ACBD3: variants seen among roughly 807,000 people sequenced by gnomAD.
ACBD3 encodes acyl-CoA binding domain containing 3.
Under a neutral mutation model 66.9 loss-of-function variants are expected in ACBD3, and 30 were observed. The observed-to-expected ratio is 0.45, with a 90% confidence interval of 0.34 to 0.61. ACBD3 has a LOEUF of 0.61. Among genes scored for constraint, ACBD3 ranks in the 20% least tolerant of loss-of-function variants. The pLI, the probability that ACBD3 is intolerant of heterozygous loss-of-function variation, is 0.02. For missense variants in ACBD3, 544 were observed against 664.5 expected (o/e 0.82, Z 1.99); for synonymous variants, 278 against 259.8 (o/e 1.07, Z -0.68).
chr1:226,172,174 G>GAAAAAAAA (rs1558129674), intron 1 of ACBD3, among the ~76,000 whole-genome samples: 1 of 56,590 alleles, frequency 1.8e-5, no homozygotes, highest in East Asian at 5.5e-4. Flanking sequence ...AAAAAAAGAG[G>GAAAAAAAA]AATACATTTT....
At chr1:226,172,281 C>T (rs751239246) in intron 1 of ACBD3, among the ~76,000 whole-genome samples, 2 of 151,972 alleles carry the variant, frequency 1.3e-5, no homozygotes, top group Non-Finnish European at 2.9e-5. Flanking sequence ...TCAAAAAACA[C>T]GCCCAGCAAA....
At chr1:226,171,595 T>A (rs1486189313) in intron 1 of ACBD3, among the ~76,000 whole-genome samples, 1 of 152,048 alleles carries the variant, frequency 6.6e-6, no homozygotes, top group Non-Finnish European at 1.5e-5. Context: ...TGGAGCACAG[T>A]GGCGTGATCT....
At chr1:226,173,874 C>T (rs1035220775) in intron 1 of ACBD3, among the ~76,000 whole-genome samples, 4 of 148,762 alleles carry the variant, frequency 2.7e-5, no homozygotes, top group Non-Finnish European at 5.9e-5. Flanking sequence ...GATTCTCCTG[C>T]CTCAGCCTCC....
In ACBD3 at chr1:226,152,319, G is replaced by A. The variant is rs1473463309; in HGVS notation, c.1375+16C>T. On this transcript the variant is annotated intron_variant, in intron 7 of 7. Transcript: ENST00000366812. ...ACACAACCCAGCAGCTACTGAATATGGACCAAGGGTTCTACCTTCTTCCTC... is the reference window on the plus strand; with the variant it reads ...ACACAACCCAGCAGCTACTGAATATAGACCAAGGGTTCTACCTTCTTCCTC... 7 of 1,611,998 alleles carry A rather than the reference G, an allele frequency of 4.3e-6. No individual in the cohort carries two copies. The Admixed American group carries it at 8.3e-5, about 19-fold the overall frequency.
chr1:226,149,873 T>C (rs1659533745), intron 7 of ACBD3, among the ~76,000 whole-genome samples: 1 of 151,824 alleles, frequency 6.6e-6, no homozygotes, highest in African/African-American at 2.4e-5. Flanking sequence ...CAGTAATTTG[T>C]ATGCATACAA....
At chr1:226,180,568 C>T (rs1277269593) in intron 1 of ACBD3, among the ~76,000 whole-genome samples, 1 of 152,168 alleles carries the variant, frequency 6.6e-6, no homozygotes, top group Non-Finnish European at 1.5e-5. Flanking sequence ...ACTGATAAAA[C>T]ATCTGCTCCT....
At chr1:226,172,201 C>CAAAAAAAAAAAAAAA (rs1558129702) in intron 1 of ACBD3, among the ~76,000 whole-genome samples, 1 of 107,098 alleles carries the variant, frequency 9.3e-6, no homozygotes, top group Non-Finnish European at 2.1e-5. Flanking sequence ...TAGTCCTGGT[C>CAAAAAAAAAAAAAAA]AGGCAAACAG....
chr1:226,182,111 G>A (rs530694573), intron 1 of ACBD3, among the ~76,000 whole-genome samples: 1 of 152,108 alleles, frequency 6.6e-6, no homozygotes, highest in East Asian at 1.9e-4. Context: ...CGTGCCTGTG[G>A]TCCCAGTCAC....
chr1:226,181,970 C>T (rs1400250307), intron 1 of ACBD3, among the ~76,000 whole-genome samples: 2 of 152,182 alleles, frequency 1.3e-5, no homozygotes, highest in African/African-American at 4.8e-5. Flanking sequence ...GTAGCTCATG[C>T]CTGTAATCCC....
At chr1:226,164,650 T>G in intron 3 of ACBD3, 139 bp downstream of exon 3, 3 of 1,018,408 alleles carry the variant, frequency 2.9e-6, no homozygotes, top group Middle Eastern at 4.7e-4. Flanking sequence ...ATCAGGAAGT[T>G]TGAACAATTG....
At chr1:226,181,794 G>T (rs191758772) in intron 1 of ACBD3, among the ~76,000 whole-genome samples, 1 of 152,172 alleles carries the variant, frequency 6.6e-6, no homozygotes, top group Admixed American at 6.6e-5. Context: ...CCACCCCAAA[G>T]AACTCTAAAA....
At chr1:226,172,282 G>A (rs963732738) in intron 1 of ACBD3, among the ~76,000 whole-genome samples, 14 of 151,346 alleles carry the variant, frequency 9.3e-5, no homozygotes, top group African/African-American at 2.7e-4. Context: ...CAAAAAACAC[G>A]CCCAGCAAAT....
chr1:226,164,031 C>A (rs1358685583), intron 3 of ACBD3, among the ~76,000 whole-genome samples: 2 of 144,548 alleles, frequency 1.4e-5, no homozygotes, highest in Admixed American at 7.4e-5. Flanking sequence ...GAGGCTGAGG[C>A]AGGAGAACTG....
intron 7 of ACBD3, among the ~76,000 whole-genome samples, chr1:226,147,474 A>T (rs914428418): frequency 1.3e-5 from 2 of 152,142 alleles, no homozygotes; most frequent in Non-Finnish European, 2.9e-5. Flanking sequence ...TTCCTAATTC[A>T]TCCTCAGGAA....
At chr1:226,169,216 T>C (rs973065743) in intron 1 of ACBD3, among the ~76,000 whole-genome samples, 1 of 151,692 alleles carries the variant, frequency 6.6e-6, no homozygotes, top group African/African-American at 2.4e-5. Context: ...CAGCTCCTGA[T>C]CTTAGCCTTG....
rs758215273 is a variant in ACBD3 at position 226,161,686 on chromosome 1, C to T, written c.573G>A (p.Lys191=). ...IEKEEQEKKR[K]EEEERRRREE... ...CACGCCGCCTTCGCTCCTCTTCCTC[C>T]TTCCTACAAGGCAAAGATAGAGAAT... Residue 191 remains lysine, a synonymous_variant, in exon 4 of 8, where the codon AAG becomes AAA. Coordinates refer to ENST00000366812, the MANE Select transcript of ACBD3 (RefSeq NM_022735.4). 3.1e-6 allele frequency: 5 copies of T among 1,588,464 alleles called. No homozygotes were observed. The highest frequency in any genetic ancestry group is 4.3e-6 in the Non-Finnish European group (5 of 1,167,388).
At chr1:226,153,677 AC>A (rs1261544802) in intron 6 of ACBD3, among the ~76,000 whole-genome samples, 1 of 152,246 alleles carries the variant, frequency 6.6e-6, no homozygotes, top group Non-Finnish European at 1.5e-5. Flanking sequence ...TGCTGAATGA[AC>A]AAATGAGCTG....
chr1:226,172,433 C>T (rs906630011), intron 1 of ACBD3, among the ~76,000 whole-genome samples: 1 of 152,186 alleles, frequency 6.6e-6, no homozygotes, highest in African/African-American at 2.4e-5. Flanking sequence ...TCGCCAGCTG[C>T]AGTGGCATGC....
At chr1:226,151,729 C>T (rs1013305395) in intron 7 of ACBD3, among the ~76,000 whole-genome samples, 4 of 152,110 alleles carry the variant, frequency 2.6e-5, no homozygotes, top group African/African-American at 7.2e-5. Flanking sequence ...CAAAGTGGGT[C>T]GGGTGCTGTG....
Sources: allele counts gnomAD v4.1 joint callset (sites outside exome capture counted in the v4.1 genomes callset), GRCh38; gene constraint gnomAD v4.1.1; transcripts MANE v1.5; gene names NCBI Gene and HGNC (gene_info 2026-07-23, HGNC 2026-07-21).